The following NPAS3 variants were observed in gnomAD, a reference collection of about 807,000 sequenced individuals.
The protein encoded by NPAS3 is neuronal PAS domain-containing protein 3.
In NPAS3, 14 loss-of-function variants were observed where a neutral mutation model predicts 73.1. That is an observed-to-expected ratio of 0.19 (90% CI 0.13 to 0.30). NPAS3 has a LOEUF of 0.30. NPAS3 is among the 10% of genes least tolerant of loss of function. The probability of loss-of-function intolerance (pLI) is 1.00; values close to 1 mark genes in which losing one functional copy is unlikely to be tolerated. For missense variants in NPAS3, 1,096 were observed against 1,250.0 expected (o/e 0.88, Z 1.86); for synonymous variants, 620 against 541.5 (o/e 1.14, Z -2.01).
chr14:32,952,234 G>A (rs2036513553), intron 1 of NPAS3, among the ~76,000 whole-genome samples: 1 of 151,918 alleles, frequency 6.6e-6, no homozygotes, highest in African/African-American at 2.4e-5. Flanking sequence ...TTCTACAAAA[G>A]GTAATTTTCT....
chr14:33,202,292 G>T (rs1273208608), intron 2 of NPAS3, among the ~76,000 whole-genome samples: 1 of 151,938 alleles, frequency 6.6e-6, no homozygotes, highest in South Asian at 2.1e-4. Flanking sequence ...AGTCCCAGCT[G>T]CCTGGGAGGC....
chr14:33,087,563 T>C (rs895600035), intron 2 of NPAS3, among the ~76,000 whole-genome samples: 9 of 152,142 alleles, frequency 5.9e-5, no homozygotes, highest in Admixed American at 5.9e-4. Context: ...TGGCTAAATG[T>C]TTTAAAGTAG....
chr14:33,277,321 C>A (rs941770294), intron 3 of NPAS3, among the ~76,000 whole-genome samples: 1 of 152,126 alleles, frequency 6.6e-6, no homozygotes, highest in African/African-American at 2.4e-5. Context: ...GATTAACTGG[C>A]TACCATATGC....
chr14:33,580,807 T>C (rs932142861), intron 5 of NPAS3, among the ~76,000 whole-genome samples: 4 of 137,356 alleles, frequency 2.9e-5, no homozygotes, highest in Non-Finnish European at 6.4e-5. Context: ...CGCACCCCCC[T>C]ACCCCAGGGT....
intron 2 of NPAS3, among the ~76,000 whole-genome samples, chr14:33,090,854 G>T (rs942770223): frequency 6.6e-6 from 1 of 152,244 alleles, no homozygotes; most frequent in Non-Finnish European, 1.5e-5. Flanking sequence ...ACTCAAAACC[G>T]CTCAACTACA....
chr14:33,478,423 A>G (rs1364059602), intron 4 of NPAS3, among the ~76,000 whole-genome samples: 1 of 152,182 alleles, frequency 6.6e-6, no homozygotes, highest in African/African-American at 2.4e-5. Flanking sequence ...TTTACAACCA[A>G]CCATTCTTAG....
chr14:33,551,727 C>G lies in NPAS3; in HGVS notation c.469-8394C>G, dbSNP rs548178892. ...CAGCTGCCTATTTGGAGATGTGGTTCTACTAGGGATTATTTATTACCCGTG... is the reference window on the plus strand; with the variant it reads ...CAGCTGCCTATTTGGAGATGTGGTTGTACTAGGGATTATTTATTACCCGTG... On this transcript the variant is annotated intron_variant, in intron 4 of 11. Transcript: ENST00000356141. Among the ~76,000 whole-genome samples the G allele has an allele frequency of 2.6e-5, 4 of 152,226 alleles. No individual in the cohort carries two copies. The East Asian group carries it at 7.7e-4, about 29-fold the overall frequency.
chr14:33,565,398 T>A (rs2055875581), intron 5 of NPAS3, among the ~76,000 whole-genome samples: 1 of 152,252 alleles, frequency 6.6e-6, no homozygotes, highest in Non-Finnish European at 1.5e-5. Context: ...TTTATTTGAA[T>A]AATAAAGAAG....
At chr14:33,703,144 G>C (rs1049576491) in intron 6 of NPAS3, among the ~76,000 whole-genome samples, 5 of 152,074 alleles carry the variant, frequency 3.3e-5, no homozygotes, top group Non-Finnish European at 7.4e-5. Context: ...TGTAGAACTT[G>C]CAAAATTATA....
chr14:33,132,961 C>T (rs752570274), intron 2 of NPAS3, among the ~76,000 whole-genome samples: 5 of 152,110 alleles, frequency 3.3e-5, no homozygotes, highest in Non-Finnish European at 5.9e-5. Context: ...GTCCAAACTG[C>T]ACAACTAATA....
At chr14:33,742,757 CT>C (rs1354220502) in intron 7 of NPAS3, among the ~76,000 whole-genome samples, 1 of 152,200 alleles carries the variant, frequency 6.6e-6, no homozygotes. Context: ...TACAGTAGAA[CT>C]TTCAAAACTG....
chr14:33,206,525 A>G (rs1178814432), intron 2 of NPAS3, among the ~76,000 whole-genome samples: 2 of 152,164 alleles, frequency 1.3e-5, no homozygotes, highest in Non-Finnish European at 2.9e-5. Context: ...GCTGAAAACA[A>G]TGCTGTTTTT....
chr14:33,203,583 G>T (rs1185236167), intron 2 of NPAS3, among the ~76,000 whole-genome samples: 1 of 151,896 alleles, frequency 6.6e-6, no homozygotes, highest in African/African-American at 2.4e-5. Context: ...TTGGTTTTTT[G>T]TCCTTGGTGA....
chr14:32,962,015 T>A (rs931451909), intron 1 of NPAS3, among the ~76,000 whole-genome samples: 2 of 152,220 alleles, frequency 1.3e-5, no homozygotes, highest in South Asian at 4.2e-4. Flanking sequence ...CCTCAAATAA[T>A]GTTCATTTGC....
intron 4 of NPAS3, among the ~76,000 whole-genome samples, chr14:33,497,087 TC>T (rs1450558386): frequency 2.0e-5 from 3 of 152,076 alleles, no homozygotes; most frequent in African/African-American, 7.2e-5. Flanking sequence ...ATGAGTGAAC[TC>T]CCATTCACAA....
rs1555313388 is a variant in NPAS3, at chr14:32,975,301, C to CCGTCA, written c.50+35936_50+35937insGTCAC. ...TGCCCTTCTATTCCTTCCCTCCCTC[C>CCGTCA]CTCCCTGCCTCCGTCACTCCCTGCC... On this transcript the variant is annotated intron_variant, in intron 1 of 11. Coordinates refer to ENST00000356141, the Ensembl canonical transcript of NPAS3. 2.1e-4 allele frequency among the ~76,000 whole-genome samples: 25 copies of CCGTCA among 116,294 alleles called. No homozygotes were observed. In the South Asian group the frequency reaches 7.1e-3, roughly 33 times the overall value. The allele number at this position is 116,294 out of a possible 152,430, so 76.3% of individuals were successfully genotyped here.
chr14:33,368,771 A>G (rs760313232), intron 4 of NPAS3, among the ~76,000 whole-genome samples: 4 of 152,190 alleles, frequency 2.6e-5, no homozygotes, highest in Non-Finnish European at 4.4e-5. Context: ...CTAGATCTTC[A>G]AATTGTTACT....
intron 5 of NPAS3, among the ~76,000 whole-genome samples, chr14:33,651,892 A>G (rs2059005724): frequency 6.6e-6 from 1 of 152,210 alleles, no homozygotes; most frequent in Non-Finnish European, 1.5e-5. Context: ...CAGCGTTTCC[A>G]TTAATAACAT....
intron 1 of NPAS3, among the ~76,000 whole-genome samples, chr14:32,961,282 C>T (rs570338910): frequency 1.2e-3 from 179 of 151,788 alleles, no homozygotes; most frequent in African/African-American, 4.2e-3. Context: ...TGTGGTGGCG[C>T]GTGCCTGTAG....
Sources: gnomAD v4.1 joint callset for allele counts (sites outside exome capture counted in the v4.1 genomes callset) on GRCh38, gnomAD v4.1.1 for gene constraint, MANE v1.5 for transcripts, NCBI Gene and HGNC (gene_info 2026-07-23, HGNC 2026-07-21) for gene names.